The following PCDHGA4 variants were observed in gnomAD, a reference collection of about 807,000 sequenced individuals.
The protein encoded by PCDHGA4 is protocadherin gamma subfamily A, 4.
A neutral mutation model predicts 54.6 loss-of-function variants in PCDHGA4; 38 were observed. The observed-to-expected ratio is 0.70, with a 90% CI of 0.54 to 0.91. The LOEUF is 0.91. Among genes scored for constraint, PCDHGA4 ranks in the 40% least tolerant of loss-of-function variants. PCDHGA4 has a pLI of 0.00. For synonymous variants in PCDHGA4, 511 were observed against 512.9 expected, an observed-to-expected ratio of 1.00 and a Z score of 0.05; for missense variants, 1,298 against 1,220.9, an observed-to-expected ratio of 1.06 and a Z score of -0.94.
chr5:141,478,326 C>T, intron 1 of PCDHGA4: 1 of 1,613,950 alleles, frequency 6.2e-7, no homozygotes, highest in Admixed American at 1.7e-5. Flanking sequence ...CTGTACCGAA[C>T]ACCAGGGCCC....
intron 1 of PCDHGA4, among the ~76,000 whole-genome samples, chr5:141,466,725 G>A (rs1184472416): frequency 2.6e-5 from 4 of 152,024 alleles, no homozygotes; most frequent in Non-Finnish European, 5.9e-5. Context: ...TTCCATTTTA[G>A]CAGAATTCAT....
chr5:141,485,454 C>T lies in PCDHGA4; in HGVS notation c.2515-9353C>T. On this transcript the variant is annotated intron_variant, in intron 1 of 3. Transcript: ENST00000571252. This position sits in a 1 kb window ranked among gnomAD's most constrained non-coding sequence, Gnocchi z 5.7. Reference sequence around the variant, plus strand: ...ATCAAGAACCCAATCGACCGAGAGGCACTGTGTGGGCTCAGTGCCAGCTGC... The same window carrying T: ...ATCAAGAACCCAATCGACCGAGAGGTACTGTGTGGGCTCAGTGCCAGCTGC... The T allele has an allele frequency of 6.2e-7, 1 of 1,614,162 alleles. No homozygotes were observed. Among genetic ancestry groups the T allele is most frequent in the East Asian group, 2.2e-5 (1 of 44,868 alleles).
At position 141,487,603 on chromosome 5, in the gene PCDHGA4, C is replaced by T; in HGVS notation, c.2515-7204C>T. The stretch of plus-strand genomic sequence containing the variant: ...CAAGCTGCCCACCCTCTGATCTTCT[C>T]TATGGGCTAGAGGTGAGACCTTTGC... On this transcript the variant is annotated intron_variant, in intron 1 of 3. Transcript: ENST00000571252. This position sits in a 1 kb window ranked among gnomAD's most constrained non-coding sequence, Gnocchi z 5.0. 1.2e-6 allele frequency: 2 copies of T among 1,614,214 alleles called. No individual in the cohort carries two copies. Among genetic ancestry groups the T allele is most frequent in the Non-Finnish European group, 1.7e-6 (2 of 1,180,042 alleles).
At chr5:141,443,704 C>T (rs894128704) in intron 1 of PCDHGA4, among the ~76,000 whole-genome samples, 6 of 152,102 alleles carry the variant, frequency 3.9e-5, no homozygotes, top group Non-Finnish European at 7.4e-5. Flanking sequence ...TATAGAATAA[C>T]ATTTGCATAT....
chr5:141,409,945 T>C (rs777813706), intron 1 of PCDHGA4: 11 of 1,613,312 alleles, frequency 6.8e-6, no homozygotes, highest in Non-Finnish European at 9.3e-6. Flanking sequence ...TACCTCGCTC[T>C]GCAGAGCCCG....
intron 1 of PCDHGA4, chr5:141,398,001 A>T: frequency 5.0e-6 from 7 of 1,388,802 alleles, no homozygotes; most frequent in African/African-American, 4.4e-5. Flanking sequence ...CCTCCTCGGA[A>T]AAAGAATCGT....
intron 3 of PCDHGA4, chr5:141,507,010 G>A (rs371780810): frequency 1.3e-5 from 2 of 152,324 alleles, no homozygotes; most frequent in East Asian, 1.9e-4. Flanking sequence ...TGAGAGAACC[G>A]AGAAGGCACT....
chr5:141,493,250 C>T lies in PCDHGA4; in HGVS notation c.2515-1557C>T, dbSNP rs1330348553. On this transcript the variant is annotated intron_variant, in intron 1 of 3. Coordinates refer to ENST00000571252, the MANE Select transcript of PCDHGA4 (RefSeq NM_018917.4). The surrounding 1 kb of genome is among the most constrained non-coding windows in gnomAD (Gnocchi z 4.3). ...TGCTGTTGGCTAGGTACTAACATGC[C>T]TCTCTTATAACAGCTTCACAGAGGT... Among the ~76,000 whole-genome samples the T allele has an allele frequency of 1.3e-5, 2 of 152,154 alleles. No homozygotes were observed. Among genetic ancestry groups the T allele is most frequent in the Non-Finnish European group, 2.9e-5 (2 of 68,024 alleles).
At chr5:141,365,534 T>C (rs761287174) in intron 1 of PCDHGA4, 1 of 1,613,758 alleles carries the variant, frequency 6.2e-7, no homozygotes, top group Non-Finnish European at 8.5e-7. Flanking sequence ...TGATAATTAC[T>C]ATCACCTATT....
chr5:141,414,537 T>C (rs2095757230), intron 1 of PCDHGA4: 1 of 1,613,978 alleles, frequency 6.2e-7, no homozygotes, highest in Non-Finnish European at 8.5e-7. Flanking sequence ...ACAACCCACC[T>C]ACCTTCTCTC....
chr5:141,413,032 C>A, intron 1 of PCDHGA4: 1 of 766,948 alleles, frequency 1.3e-6, no homozygotes, highest in Non-Finnish European at 2.0e-6. Context: ...CACAAACCGG[C>A]TGCTGGGCTG....
chr5:141,355,077 C>T lies in PCDHGA4; in HGVS notation c.-31C>T. 2 of 1,404,062 alleles carry T rather than the reference C, an allele frequency of 1.4e-6. No homozygotes were observed. Among genetic ancestry groups the T allele is most frequent in the South Asian group, 3.0e-5 (2 of 66,826 alleles). 87.0% of individuals were successfully genotyped at this position (1,404,062 alleles called of 1,614,324 possible). Reference sequence around the variant, plus strand: ...TGGCTCTGGAGCTTTATGAAAGCTTCAAGCGGAAGCCCTGAGAGCTCTGGC... The same window carrying T: ...TGGCTCTGGAGCTTTATGAAAGCTTTAAGCGGAAGCCCTGAGAGCTCTGGC... On this transcript the variant is annotated 5_prime_UTR_variant, in exon 1 of 4. Coordinates refer to ENST00000571252, the MANE Select transcript of PCDHGA4 (RefSeq NM_018917.4).
In PCDHGA4 at chr5:141,355,456, A is replaced by G; in HGVS notation, c.349A>G (p.Thr117Ala). Residue 117 changes from threonine to alanine, a missense_variant, in exon 1 of 4, where the codon ACC becomes GCC. By Grantham distance (58) the Thr-to-Ala change is moderately conservative. Coordinates refer to ENST00000571252, the MANE Select transcript of PCDHGA4 (RefSeq NM_018917.4). ...GAACCCGCGCAGCGGCACCTTGGTC[A>G]CCGCGGGTAGGATAGACAGGGAGGA... ...ALNPRSGTLV[T>A]AGRIDREELC... The G allele has an allele frequency of 6.2e-7, 1 of 1,614,078 alleles. No homozygotes were observed. The highest frequency in any genetic ancestry group is 8.5e-7 in the Non-Finnish European group (1 of 1,179,908).
chr5:141,389,770 C>A, intron 1 of PCDHGA4: 4 of 1,613,166 alleles, frequency 2.5e-6, no homozygotes, highest in Non-Finnish European at 3.4e-6. Context: ...ACAGCGCGTG[C>A]CTTAGGCGAC....
intron 1 of PCDHGA4, among the ~76,000 whole-genome samples, chr5:141,442,680 A>C (rs2098335997): frequency 6.6e-6 from 1 of 152,270 alleles, no homozygotes; most frequent in Non-Finnish European, 1.5e-5. Flanking sequence ...CTTGAGGGAC[A>C]GTAGTCAGGC....
At chr5:141,365,533 C>T (rs772815348) in intron 1 of PCDHGA4, 21 of 1,613,642 alleles carry the variant, frequency 1.3e-5, no homozygotes, top group Non-Finnish European at 1.8e-5. Flanking sequence ...TTGATAATTA[C>T]TATCACCTAT....
At chr5:141,474,754 T>C (rs1351752958) in intron 1 of PCDHGA4, among the ~76,000 whole-genome samples, 4 of 152,228 alleles carry the variant, frequency 2.6e-5, no homozygotes, top group Non-Finnish European at 4.4e-5. Flanking sequence ...CCAAGACAAA[T>C]ATACAGAAAT....
At chr5:141,375,253 C>T in intron 1 of PCDHGA4, 1 of 1,613,916 alleles carries the variant, frequency 6.2e-7, no homozygotes, top group East Asian at 2.2e-5. Flanking sequence ...CGAGAAGTCT[C>T]CCATTTGAAT....
intron 1 of PCDHGA4, chr5:141,418,549 C>T: frequency 6.2e-7 from 1 of 1,614,024 alleles, no homozygotes; most frequent in Non-Finnish European, 8.5e-7. Context: ...AGATAAGAAT[C>T]CTGGTAATAG....
Sources: gnomAD v4.1 joint callset for allele counts (sites outside exome capture counted in the v4.1 genomes callset) on GRCh38, gnomAD v4.1.1 for gene constraint, Gnocchi (gnomAD v3.1) non-coding constraint, MANE v1.5 for transcripts, NCBI Gene and HGNC (gene_info 2026-07-23, HGNC 2026-07-21) for gene names.